RBFOX1: variants seen among roughly 807,000 people sequenced by gnomAD.
RBFOX1 encodes RNA binding protein fox-1 homolog 1.
In RBFOX1, 8 loss-of-function variants were observed where a neutral mutation model predicts 57.7. The ratio of observed to expected loss-of-function variants is 0.14; its 90% CI spans 0.08 to 0.25. The LOEUF is 0.25. RBFOX1 is among the 10% of genes least tolerant of loss of function. The probability of loss-of-function intolerance (pLI) is 1.00; values close to 1 mark genes in which losing one functional copy is unlikely to be tolerated. For missense variants in RBFOX1, 611 were observed against 548.5 expected, an observed-to-expected ratio of 1.11 and a Z score of -1.14; for synonymous variants, 326 against 222.4, an observed-to-expected ratio of 1.47 and a Z score of -4.15.
intron 4 of RBFOX1, among the ~76,000 whole-genome samples, chr16:7,106,223 G>T (rs2063560453): frequency 6.6e-6 from 1 of 152,114 alleles, no homozygotes. Flanking sequence ...GGTTCATAAT[G>T]ACTGTGTGTG....
intron 1 of RBFOX1, among the ~76,000 whole-genome samples, chr16:6,032,210 C>A (rs1020629103): frequency 6.6e-6 from 1 of 152,092 alleles, no homozygotes; most frequent in Non-Finnish European, 1.5e-5. Context: ...GAACAAGAAA[C>A]ATTTAGCTGT....
chr16:7,057,484 C>A (rs1453131219), intron 4 of RBFOX1, among the ~76,000 whole-genome samples: 1 of 152,176 alleles, frequency 6.6e-6, no homozygotes, highest in Non-Finnish European at 1.5e-5. Context: ...CTTCTAGCCC[C>A]TAAGATGTAT....
intron 2 of RBFOX1, among the ~76,000 whole-genome samples, chr16:5,535,360 T>C (rs1224932025): frequency 6.6e-6 from 1 of 152,196 alleles, no homozygotes; most frequent in Non-Finnish European, 1.5e-5. Flanking sequence ...TCATTTCCAA[T>C]TGTAAGCCTG....
intron 4 of RBFOX1, among the ~76,000 whole-genome samples, chr16:5,923,746 G>T (rs922671635): frequency 1.3e-5 from 2 of 151,840 alleles, no homozygotes; most frequent in African/African-American, 4.8e-5. Flanking sequence ...TCACCATGTT[G>T]GCCAGACTGG....
chr16:6,082,080 T>C (rs1246635276), intron 1 of RBFOX1, among the ~76,000 whole-genome samples: 1 of 152,086 alleles, frequency 6.6e-6, no homozygotes, highest in African/African-American at 2.4e-5. Context: ...GTCTGTATAA[T>C]GAGGATTTTG....
chr16:6,388,058 C>T (rs961429577), intron 2 of RBFOX1, among the ~76,000 whole-genome samples: 12 of 140,632 alleles, frequency 8.5e-5, no homozygotes, highest in Admixed American at 2.4e-4. Context: ...GAGCTCACTG[C>T]AACCTCTGCC....
intron 3 of RBFOX1, among the ~76,000 whole-genome samples, chr16:5,839,972 A>C (rs1456912526): frequency 6.6e-6 from 1 of 152,150 alleles, no homozygotes; most frequent in African/African-American, 2.4e-5. Context: ...TACTGGACAA[A>C]CATCTAACAG....
chr16:7,659,786 T>C (rs922476127), intron 12 of RBFOX1, among the ~76,000 whole-genome samples: 5 of 152,190 alleles, frequency 3.3e-5, no homozygotes, highest in Non-Finnish European at 5.9e-5. Context: ...AGCCTCTGAA[T>C]AGCATGAACT....
At chr16:6,351,350 G>A (rs369022802) in intron 2 of RBFOX1, among the ~76,000 whole-genome samples, 1,042 of 99,278 alleles carry the variant, frequency 0.01, 11 homozygotes, top group Admixed American at 0.024. Context: ...GTGTGTGTGT[G>A]TGTATATATA....
chr16:7,340,094 C>A (rs970498080), intron 4 of RBFOX1, among the ~76,000 whole-genome samples: 2 of 152,230 alleles, frequency 1.3e-5, no homozygotes, highest in Non-Finnish European at 1.5e-5. Context: ...CATCTAATCT[C>A]TGGTTGCCCA....
chr16:6,958,112 G>A (rs964740554), intron 3 of RBFOX1, among the ~76,000 whole-genome samples: 2 of 152,110 alleles, frequency 1.3e-5, no homozygotes, highest in Non-Finnish European at 2.9e-5. Flanking sequence ...CTGCAGAAAT[G>A]GGTGACCGGA....
At chr16:5,429,813 C>T (rs1011999891) in intron 1 of RBFOX1, among the ~76,000 whole-genome samples, 11 of 152,180 alleles carry the variant, frequency 7.2e-5, no homozygotes, top group African/African-American at 2.7e-4. Flanking sequence ...GTCTATTGGC[C>T]TCCTTCTGTG....
intron 4 of RBFOX1, among the ~76,000 whole-genome samples, chr16:7,348,391 T>C (rs988400771): frequency 1.3e-5 from 2 of 151,086 alleles, no homozygotes; most frequent in South Asian, 2.1e-4. Context: ...GAAATAAAAT[T>C]AATGAATTTT....
At position 6,558,589 on chromosome 16, in the gene RBFOX1, G is replaced by C. The variant is rs988450742; in HGVS notation, c.-63-96014G>C. Among the ~76,000 whole-genome samples the C allele has an allele frequency of 5.4e-4, 82 of 152,038 alleles. 2 individuals carry two copies. Among genetic ancestry groups the C allele is most frequent in the Non-Finnish European group, 1.5e-4 (10 of 68,002 alleles). ...TACAAATTGACACATGGGGCTTTTG[G>C]CTTTTGTCCTGGGGATATGGCAGTT... On this transcript the variant is annotated intron_variant, in intron 2 of 15. Transcript: ENST00000550418.
intron 2 of RBFOX1, among the ~76,000 whole-genome samples, chr16:6,624,380 C>A (rs1022534995): frequency 2.0e-5 from 3 of 152,074 alleles, no homozygotes; most frequent in African/African-American, 4.8e-5. Context: ...TTGGTGAGAT[C>A]AGGGTTTTTG....
chr16:6,616,099 A>G (rs557998543), intron 2 of RBFOX1, among the ~76,000 whole-genome samples: 5 of 152,278 alleles, frequency 3.3e-5, no homozygotes, highest in African/African-American at 7.2e-5. Context: ...CAGGGCCCCA[A>G]TCCCAAACTG....
intron 2 of RBFOX1, among the ~76,000 whole-genome samples, chr16:5,493,656 A>G (rs1408700593): frequency 6.6e-6 from 1 of 152,222 alleles, no homozygotes; most frequent in Non-Finnish European, 1.5e-5. Flanking sequence ...GTCAAGATTG[A>G]TGGAGTAGCC....
chr16:6,965,769 C>G (rs12445697), intron 3 of RBFOX1, among the ~76,000 whole-genome samples: 87,966 of 152,032 alleles, frequency 0.58, 25,957 homozygotes, highest in Non-Finnish European at 0.63. Flanking sequence ...GGTGCTTTCT[C>G]CATAGCAAGT....
At chr16:5,643,906 T>A (rs1323014010) in intron 3 of RBFOX1, among the ~76,000 whole-genome samples, 2 of 152,220 alleles carry the variant, frequency 1.3e-5, no homozygotes, top group Non-Finnish European at 2.9e-5. Context: ...AAATCTTTTC[T>A]TTCCCTCTGT....
Sources: gnomAD v4.1 joint callset for allele counts (sites outside exome capture counted in the v4.1 genomes callset) on GRCh38, gnomAD v4.1.1 for gene constraint, MANE v1.5 for transcripts, NCBI Gene and HGNC (gene_info 2026-07-23, HGNC 2026-07-21) for gene names.